The following INSL6 variants were observed in gnomAD, a reference collection of about 807,000 sequenced individuals.
The protein encoded by INSL6 is insulin-like peptide INSL6.
In INSL6, 16 loss-of-function variants were observed where a neutral mutation model predicts 9.4. That is an observed-to-expected ratio of 1.70 (90% CI 1.15 to 2.59). The LOEUF (loss-of-function observed/expected upper bound fraction) is 2.59. Ranked by LOEUF, INSL6 falls within the 30% of genes most tolerant of loss-of-function variation. The probability of loss-of-function intolerance (pLI) is 0.00; values close to 1 mark genes in which losing one functional copy is unlikely to be tolerated. For missense variants in INSL6, 391 were observed against 257.3 expected, an observed-to-expected ratio of 1.52 and a Z score of -3.56; for synonymous variants, 154 against 96.9, an observed-to-expected ratio of 1.59 and a Z score of -3.46.
At chr9:5,174,892 T>C (rs1376530276) in intron 1 of INSL6, among the ~76,000 whole-genome samples, 2 of 152,124 alleles carry the variant, frequency 1.3e-5, no homozygotes, top group African/African-American at 4.8e-5. Context: ...CCCATCCTTC[T>C]AGGTGTTCCA....
chr9:5,027,667 C>G, the INSL6 span, among the ~76,000 whole-genome samples: 1 of 152,208 alleles, frequency 6.6e-6, no homozygotes, highest in Non-Finnish European at 1.5e-5. Flanking sequence ...AGTTGATTCA[C>G]TCAAACCCTG....
downstream of INSL6, chr9:5,163,739 G>C (rs1394900383): frequency 1.7e-6 from 1 of 573,214 alleles, no homozygotes; most frequent in Non-Finnish European, 3.1e-6. Flanking sequence ...GAAAACAACA[G>C]GGTCACCAAA....
At chr9:5,104,402 T>C in the INSL6 span, among the ~76,000 whole-genome samples, 36,643 of 152,038 alleles carry the variant, frequency 0.24, 4,875 homozygotes, top group South Asian at 0.3. Context: ...TAACAGGCTC[T>C]GAAATTGAGG....
chr9:5,106,600 T>C, the INSL6 span, among the ~76,000 whole-genome samples: 1,466 of 152,284 alleles, frequency 9.6e-3, 34 homozygotes, highest in African/African-American at 0.033. Context: ...CACATGCCCA[T>C]GTATGTTTAC....
At chr9:5,093,855 A>T in the INSL6 span, among the ~76,000 whole-genome samples, 6 of 152,270 alleles carry the variant, frequency 3.9e-5, no homozygotes, top group Admixed American at 2.0e-4. Flanking sequence ...TTAAAGTCCT[A>T]TGTGATCTGA....
chr9:5,092,679 G>A, the INSL6 span, among the ~76,000 whole-genome samples: 1 of 152,168 alleles, frequency 6.6e-6, no homozygotes, highest in Non-Finnish European at 1.5e-5. Context: ...TTTACACAGA[G>A]ATAGCCAAGT....
At chr9:5,141,604 G>C (rs1369327057) in intron 2 of INSL6, among the ~76,000 whole-genome samples, 2 of 152,004 alleles carry the variant, frequency 1.3e-5, no homozygotes, top group African/African-American at 4.8e-5. Flanking sequence ...GTTCCTTATA[G>C]ATGCTGGATA....
the INSL6 span, among the ~76,000 whole-genome samples, chr9:4,997,644 G>GT: frequency 6.6e-6 from 1 of 152,144 alleles, no homozygotes; most frequent in South Asian, 2.1e-4. Context: ...CATCCAAACT[G>GT]TATCAACCTT....
At chr9:5,079,398 C>T in the INSL6 span, among the ~76,000 whole-genome samples, 3 of 152,134 alleles carry the variant, frequency 2.0e-5, no homozygotes, top group African/African-American at 4.8e-5. Context: ...TTGAGAAATT[C>T]CGTGATTTGA....
chr9:5,103,761 A>T, the INSL6 span, among the ~76,000 whole-genome samples: 3 of 152,228 alleles, frequency 2.0e-5, no homozygotes, highest in Admixed American at 2.0e-4. Context: ...GGACTAAGAA[A>T]CTCACTCAAA....
chr9:5,090,163 C>T, the INSL6 span, among the ~76,000 whole-genome samples: 40 of 151,892 alleles, frequency 2.6e-4, no homozygotes, highest in Non-Finnish European at 5.2e-4. Flanking sequence ...GTTTTTTGTT[C>T]GATATCAATG....
the INSL6 span, among the ~76,000 whole-genome samples, chr9:5,102,240 G>C: frequency 1.3e-5 from 2 of 152,140 alleles, no homozygotes; most frequent in African/African-American, 4.8e-5. Flanking sequence ...ACTACAGGAC[G>C]CATGCACAAG....
At chr9:5,086,723 A>G in the INSL6 span, among the ~76,000 whole-genome samples, 44 of 152,292 alleles carry the variant, frequency 2.9e-4, 1 homozygote, top group South Asian at 8.3e-4. Context: ...CTGTCTGACT[A>G]TAACTTTATA....
At chr9:5,152,415 A>G (rs1257666055) in intron 2 of INSL6, among the ~76,000 whole-genome samples, 1 of 152,244 alleles carries the variant, frequency 6.6e-6, no homozygotes, top group East Asian at 1.9e-4. Flanking sequence ...TCTAGTAAAT[A>G]CTGAAACATT....
At chr9:5,057,328 C>G in the INSL6 span, among the ~76,000 whole-genome samples, 3 of 151,836 alleles carry the variant, frequency 2.0e-5, no homozygotes, top group Non-Finnish European at 4.4e-5. Flanking sequence ...GTGTTAGTAA[C>G]ATTTTGTTTT....
chr9:5,168,500 G>A (rs924160904), intron 1 of INSL6, among the ~76,000 whole-genome samples: 2 of 152,098 alleles, frequency 1.3e-5, no homozygotes, highest in Admixed American at 6.5e-5. Flanking sequence ...AGACTATCTT[G>A]CTGAAATAAG....
rs140629472 is a variant in INSL6 at position 5,164,007 on chromosome 9, C to T, written c.548G>A (p.Cys183Tyr). The T allele has an allele frequency of 1.5e-5, 25 of 1,613,172 alleles. No individual in the cohort carries two copies. The African/African-American group carries it at 2.4e-4, about 16-fold the overall frequency. ...TGCAATGCTAAGTTCTTCTTTTGTA[C>T]ATCCTGTAAGACAACACTTTTCTGA... Reference protein sequence around the residue: ...GYSEKCCLTGCTKEELSIACL... With the variant: ...GYSEKCCLTGYTKEELSIACL... Residue 183 changes from cysteine (C) to tyrosine (Y), a missense_variant, in exon 2 of 2, where the codon TGT (cysteine) becomes TAT (tyrosine). Physicochemically the swap from Cys to Tyr is radical, Grantham distance 194. Coordinates refer to ENST00000381641, the MANE Select transcript of INSL6 (RefSeq NM_007179.3).
chr9:5,025,163 A>C, the INSL6 span, among the ~76,000 whole-genome samples: 430 of 152,010 alleles, frequency 2.8e-3, no homozygotes, highest in African/African-American at 0.01. Context: ...TTTCTGGGAG[A>C]AGGATAGGTC....
chr9:5,124,164 G>C (rs1490005737), exon 4 of INSL6, among the ~76,000 whole-genome samples: 6 of 151,684 alleles, frequency 4.0e-5, no homozygotes, highest in South Asian at 2.1e-4. Context: ...CAGGTTTTCT[G>C]TTCATTCTGT....
Sources: allele counts gnomAD v4.1 joint callset (sites outside exome capture counted in the v4.1 genomes callset), GRCh38; gene constraint gnomAD v4.1.1; transcripts MANE v1.5; gene names NCBI Gene and HGNC (gene_info 2026-07-23, HGNC 2026-07-21).